The following WDR47 variants were observed in gnomAD, a reference collection of about 807,000 sequenced individuals.
WDR47 encodes WD repeat domain 47.
A neutral mutation model predicts 97.2 loss-of-function variants in WDR47; 32 were observed. The observed-to-expected ratio is 0.33, with a 90% CI of 0.25 to 0.44. WDR47 has a LOEUF of 0.44. Among genes scored for constraint, WDR47 ranks in the 20% least tolerant of loss-of-function variants. The probability of loss-of-function intolerance (pLI) is 1.00; values close to 1 mark genes in which losing one functional copy is unlikely to be tolerated. For missense variants in WDR47, 782 were observed against 1,102.3 expected (o/e 0.71, Z 4.11); for synonymous variants, 375 against 373.5 (o/e 1.00, Z -0.05).
intron 5 of WDR47, among the ~76,000 whole-genome samples, chr1:109,010,575 C>T (rs1265196886): frequency 7.0e-6 from 1 of 143,612 alleles, no homozygotes; most frequent in African/African-American, 2.6e-5. Flanking sequence ...TGAAGATTTC[C>T]TAATTTTTTT....
intron 1 of WDR47, among the ~76,000 whole-genome samples, chr1:109,024,048 C>CTGT (rs1662036199): frequency 6.6e-6 from 1 of 152,210 alleles, no homozygotes; most frequent in Non-Finnish European, 1.5e-5. Context: ...AGACATGATT[C>CTGT]TGTACTCAGG....
chr1:108,975,551 G>A (rs1183751253), intron 13 of WDR47, among the ~76,000 whole-genome samples: 2 of 151,872 alleles, frequency 1.3e-5, no homozygotes, highest in Middle Eastern at 3.4e-3. Flanking sequence ...AACCTGGGAG[G>A]CGGAGGTTGC....
intron 1 of WDR47, among the ~76,000 whole-genome samples, chr1:109,029,775 G>C (rs568987732): frequency 3.7e-4 from 55 of 150,668 alleles, no homozygotes; most frequent in Non-Finnish European, 6.9e-4. Context: ...TACTCGAGAG[G>C]CTGAGGCAGA....
chr1:109,014,141 T>C (rs956548919), intron 3 of WDR47, among the ~76,000 whole-genome samples: 2 of 152,152 alleles, frequency 1.3e-5, no homozygotes, highest in Admixed American at 6.6e-5. Flanking sequence ...TAAACAACAA[T>C]CCAATTTTTA....
At position 108,983,562 on chromosome 1, in the gene WDR47, A is replaced by G. The variant is rs1571148240; in HGVS notation, c.1926-111T>C. ...GGAAGGAGAAAAAGCGTGTCAGACAACAGCTTATTAATAGTTTTCAAAATC... is the reference window on the plus strand; with the variant it reads ...GGAAGGAGAAAAAGCGTGTCAGACAGCAGCTTATTAATAGTTTTCAAAATC... On this transcript the variant is annotated intron_variant, in intron 10 of 14. Transcript: ENST00000369962. 9.2e-6 allele frequency: 8 copies of G among 873,178 alleles called. No homozygotes were observed. In the East Asian group the frequency reaches 2.5e-4, roughly 27 times the overall value. 54.1% of individuals were successfully genotyped at this position (873,178 alleles called of 1,614,324 possible).
intron 9 of WDR47, among the ~76,000 whole-genome samples, chr1:108,990,851 G>T (rs1284975912): frequency 6.6e-6 from 1 of 152,004 alleles, no homozygotes; most frequent in Non-Finnish European, 1.5e-5. Context: ...ATGTCCCAAG[G>T]CCACTACTAG....
chr1:109,008,515 G>A (rs573139186), intron 5 of WDR47, among the ~76,000 whole-genome samples: 3 of 152,168 alleles, frequency 2.0e-5, no homozygotes, highest in South Asian at 2.1e-4. Context: ...CACCCACCTC[G>A]GCTTCCCAAA....
intron 5 of WDR47, among the ~76,000 whole-genome samples, chr1:109,006,411 G>A (rs1421897991): frequency 2.6e-5 from 4 of 152,066 alleles, no homozygotes; most frequent in Admixed American, 2.6e-4. Flanking sequence ...AAAGACTGAG[G>A]AGTTTTTTGG....
At chr1:108,987,812 T>C (rs1268480817) in intron 9 of WDR47, among the ~76,000 whole-genome samples, 1 of 152,166 alleles carries the variant, frequency 6.6e-6, no homozygotes, top group Non-Finnish European at 1.5e-5. Flanking sequence ...GAAGTTTTTC[T>C]GACAGCAGTC....
At chr1:109,013,352 G>A (rs1051570254) in intron 4 of WDR47, among the ~76,000 whole-genome samples, 4 of 151,684 alleles carry the variant, frequency 2.6e-5, no homozygotes, top group Admixed American at 6.6e-5. Context: ...AAGTTTTCTC[G>A]GTTTTAGTAT....
chr1:109,041,350 G>A (rs1314320441), intron 1 of WDR47, among the ~76,000 whole-genome samples: 1 of 152,150 alleles, frequency 6.6e-6, no homozygotes, highest in Non-Finnish European at 1.5e-5. Context: ...CCATTGATGT[G>A]AGAAAGGCCA....
chr1:109,010,227 G>A (rs758815717), intron 5 of WDR47, among the ~76,000 whole-genome samples: 7 of 151,708 alleles, frequency 4.6e-5, no homozygotes, highest in Non-Finnish European at 7.4e-5. Context: ...AAGTATTAAC[G>A]ACTAACTTTC....
intron 6 of WDR47, among the ~76,000 whole-genome samples, chr1:109,003,385 A>T (rs1165249941): frequency 2.0e-5 from 3 of 151,888 alleles, no homozygotes; most frequent in Non-Finnish European, 4.4e-5. Context: ...TCTTTTTTTA[A>T]TTTTAATTTT....
intron 8 of WDR47, 147 bp from the exon 9 acceptor site, chr1:108,991,476 A>G: frequency 1.7e-6 from 1 of 604,050 alleles, no homozygotes; most frequent in Non-Finnish European, 2.8e-6. Flanking sequence ...TATTAAAATA[A>G]GCTCTGGATT....
At chr1:108,999,678 T>TA (rs879553648) in intron 7 of WDR47, among the ~76,000 whole-genome samples, 126 of 134,936 alleles carry the variant, frequency 9.3e-4, no homozygotes, top group Middle Eastern at 3.7e-3. Flanking sequence ...TGTCTCAAAT[T>TA]AAAAAAAAAA....
At chr1:108,988,012 T>C (rs1283574685) in intron 9 of WDR47, among the ~76,000 whole-genome samples, 2 of 151,250 alleles carry the variant, frequency 1.3e-5, no homozygotes, top group Non-Finnish European at 2.9e-5. Context: ...GAGTTGGGCA[T>C]ATTGCTTGAG....
intron 13 of WDR47, among the ~76,000 whole-genome samples, chr1:108,974,962 G>A (rs1454505364): frequency 1.3e-5 from 2 of 152,174 alleles, no homozygotes; most frequent in African/African-American, 4.8e-5. Flanking sequence ...TGTAAGAAAT[G>A]AGAAAGTCCA....
At chr1:108,992,770 G>C in intron 8 of WDR47, 1 of 1,596,936 alleles carries the variant, frequency 6.3e-7, no homozygotes, top group Non-Finnish European at 8.5e-7. Context: ...CAGAAGAGGA[G>C]GTTGCCCAGA....
Position 109,011,605 on chromosome 1 carries a change from G to A in WDR47, c.441C>T (p.Thr147=), listed in dbSNP as rs1277178804. The change falls in exon 5 of 15, where the codon ACC becomes ACT. Residue 147 remains threonine (T), a synonymous_variant. Coordinates refer to ENST00000369962, the MANE Select transcript of WDR47 (RefSeq NM_001142551.2). ...LCLLLTLPRL[T]NHAEFKDWNP... is the part of the protein sequence containing the mutation. ...TCCAGTCCTTAAACTCGGCATGATT[G>A]GTCAGACGAGGCAAAGTCAAAAGCA... 4 of 1,614,146 alleles carry A rather than the reference G, an allele frequency of 2.5e-6. No homozygotes were observed. The highest frequency in any genetic ancestry group is 3.4e-6 in the Non-Finnish European group (4 of 1,180,038).
Sources: gnomAD v4.1 joint callset for allele counts (sites outside exome capture counted in the v4.1 genomes callset) on GRCh38, gnomAD v4.1.1 for gene constraint, MANE v1.5 for transcripts, NCBI Gene and HGNC (gene_info 2026-07-23, HGNC 2026-07-21) for gene names.